HS2ST1: variants seen among roughly 807,000 people sequenced by gnomAD.
The protein encoded by HS2ST1 is 2-O-sulfotransferase.
Under a neutral mutation model 42.9 loss-of-function variants are expected in HS2ST1, and 18 were observed. The observed-to-expected ratio is 0.42, with a 90% CI of 0.29 to 0.62. The LOEUF is 0.62. Ranked by LOEUF, HS2ST1 falls within the 20% of genes least tolerant of loss-of-function variation. The pLI is 0.21. For missense variants in HS2ST1, 334 were observed against 433.8 expected, an observed-to-expected ratio of 0.77 and a Z score of 2.04; for synonymous variants, 146 against 152.9, an observed-to-expected ratio of 0.95 and a Z score of 0.33.
chr1:87,078,999 C>T (rs558287175), intron 2 of HS2ST1, among the ~76,000 whole-genome samples: 2 of 151,582 alleles, frequency 1.3e-5, no homozygotes, highest in Admixed American at 1.3e-4. Flanking sequence ...GAGAAGTGGC[C>T]GAATTAATAC....
intron 1 of HS2ST1, among the ~76,000 whole-genome samples, chr1:87,059,773 A>G (rs955666841): frequency 5.9e-5 from 9 of 152,166 alleles, no homozygotes; most frequent in African/African-American, 2.2e-4. Context: ...ATGCTCTGGG[A>G]GTTTCATTCC....
intron 3 of HS2ST1, among the ~76,000 whole-genome samples, chr1:87,085,832 C>T (rs914298044): frequency 1.3e-5 from 2 of 152,108 alleles, no homozygotes; most frequent in African/African-American, 2.4e-5. Context: ...ATACTTAGAA[C>T]AAAGCTCTGA....
chr1:87,093,665 G>A (rs1003652285), intron 4 of HS2ST1, among the ~76,000 whole-genome samples: 2 of 152,042 alleles, frequency 1.3e-5, no homozygotes, highest in African/African-American at 4.8e-5. Flanking sequence ...TCAGAATTTA[G>A]CATCATACCT....
chr1:87,078,276 T>G (rs892786947), intron 2 of HS2ST1, among the ~76,000 whole-genome samples: 3 of 152,222 alleles, frequency 2.0e-5, no homozygotes, highest in Admixed American at 6.5e-5. Context: ...AAGACACTAC[T>G]GTTAGTGAGA....
At chr1:87,068,733 A>G (rs1253722934) in intron 1 of HS2ST1, among the ~76,000 whole-genome samples, 1 of 152,216 alleles carries the variant, frequency 6.6e-6, no homozygotes, top group Non-Finnish European at 1.5e-5. Flanking sequence ...ATTAACACAT[A>G]TTGTATATTG....
chr1:87,002,135 A>G (rs1440643584), intron 1 of HS2ST1, among the ~76,000 whole-genome samples: 7 of 144,716 alleles, frequency 4.8e-5, no homozygotes, highest in Admixed American at 4.8e-4. Context: ...GATGGTCTCA[A>G]TCTCCTGACC....
Position 87,105,589 on chromosome 1 carries a change from A to G in HS2ST1, c.*893A>G, listed in dbSNP as rs959132247. On this transcript the variant is annotated 3_prime_UTR_variant, in exon 7 of 7. Transcript: ENST00000370550. ...TCTTCTGTACTTTTACCTGTAGACT[A>G]TTTTTACTAAGGTGCTTTATAATGT... The G allele has an allele frequency of 6.6e-6, 1 of 152,426 alleles. No individual in the cohort carries two copies. The highest frequency in any genetic ancestry group is 2.4e-5 in the African/African-American group (1 of 41,406). The allele number at this position is 152,426 out of a possible 1,614,324, so 9.4% of individuals were successfully genotyped here.
intron 1 of HS2ST1, among the ~76,000 whole-genome samples, chr1:87,020,642 A>G (rs1413050389): frequency 6.6e-6 from 1 of 152,196 alleles, no homozygotes; most frequent in Non-Finnish European, 1.5e-5. Flanking sequence ...TAGGAGTTTG[A>G]GATCAAGGAG....
intron 3 of HS2ST1, 109 bp from the exon 4 acceptor site, chr1:87,092,422 T>G: frequency 1.8e-6 from 1 of 558,700 alleles, no homozygotes; most frequent in Non-Finnish European, 2.8e-6. Context: ...TAATTCATGT[T>G]CTTTTTTCCT....
chr1:86,925,522 A>G (rs1359463233), intron 1 of HS2ST1, among the ~76,000 whole-genome samples: 1 of 143,600 alleles, frequency 7.0e-6, no homozygotes, highest in Non-Finnish European at 1.5e-5. Flanking sequence ...ATCATGGTGG[A>G]AAGCAAGGAG....
chr1:87,090,989 C>T (rs1015840482), intron 3 of HS2ST1, among the ~76,000 whole-genome samples: 5 of 151,954 alleles, frequency 3.3e-5, no homozygotes, highest in African/African-American at 4.8e-5. Context: ...TTCTCCCTCA[C>T]CTCCCTAGCA....
At chr1:86,969,918 G>T (rs1245329769) in intron 1 of HS2ST1, among the ~76,000 whole-genome samples, 1 of 152,072 alleles carries the variant, frequency 6.6e-6, no homozygotes, top group African/African-American at 2.4e-5. Flanking sequence ...CTGAAGTCAG[G>T]AGTTCGAGAC....
At chr1:87,023,465 T>TA (rs386367573) in intron 1 of HS2ST1, among the ~76,000 whole-genome samples, 18,607 of 146,364 alleles carry the variant, frequency 0.13, 1,824 homozygotes, top group African/African-American at 0.28. Flanking sequence ...CAAGATATGT[T>TA]AAAAAAAAAA....
intron 2 of HS2ST1, among the ~76,000 whole-genome samples, chr1:87,082,540 A>G (rs188653091): frequency 6.6e-6 from 1 of 152,352 alleles, no homozygotes; most frequent in East Asian, 1.9e-4. Context: ...TTTAGCCACC[A>G]TCTTCAATGC....
chr1:87,047,772 T>C (rs1650723443), intron 1 of HS2ST1, among the ~76,000 whole-genome samples: 2 of 152,212 alleles, frequency 1.3e-5, no homozygotes, highest in South Asian at 4.1e-4. Context: ...TGTATAGTTA[T>C]ATTTCTGGAT....
rs1652425557 is a variant in HS2ST1 at position 87,109,716 on chromosome 1, CAG to C, written c.*5022_*5023del. ...CCAGTTCAATGATGAGTTTTCTTAA[CAG>C]AATTTGGTTTGTACTTGCAGTGGCT... On this transcript the variant is annotated 3_prime_UTR_variant, in exon 7 of 7. Coordinates refer to ENST00000370550, the MANE Select transcript of HS2ST1 (RefSeq NM_012262.4). The C allele has an allele frequency of 6.6e-6, 1 of 151,948 alleles. No homozygotes were observed. The highest frequency in any genetic ancestry group is 2.1e-4 in the South Asian group (1 of 4,822). 9.4% of individuals were successfully genotyped at this position (151,948 alleles called of 1,614,324 possible).
At position 87,085,208 on chromosome 1, in the gene HS2ST1, TTTA is replaced by T. The variant is rs1651793022; in HGVS notation, c.449+935_449+937del. ...CTTCAAAAACACTAAAAAAATTTTT[TTTA>T]TTATTTAGCTTAGACATGTTTATTC... On this transcript the variant is annotated intron_variant, in intron 3 of 6. Transcript: ENST00000370550. Among the ~76,000 whole-genome samples, 20 of 152,282 alleles carry T rather than the reference TTTA, an allele frequency of 1.3e-4. No homozygotes were observed. The South Asian group carries it at 3.9e-3, about 30-fold the overall frequency.
intron 1 of HS2ST1, among the ~76,000 whole-genome samples, chr1:86,919,659 T>TGAAATTATATACATAACTTTCATCA (rs1660249671): frequency 6.6e-6 from 1 of 152,224 alleles, no homozygotes; most frequent in African/African-American, 2.4e-5. Flanking sequence ...GTGAATTCCC[T>TGAAATTATATACATAACTTTCATCA]GAAATTATAT....
At chr1:86,966,370 G>A (rs1047659021) in intron 1 of HS2ST1, among the ~76,000 whole-genome samples, 1 of 151,990 alleles carries the variant, frequency 6.6e-6, no homozygotes, top group Non-Finnish European at 1.5e-5. Flanking sequence ...TTCCTACTCC[G>A]GTGATAGCCA....
Sources: gnomAD v4.1 joint callset for allele counts (sites outside exome capture counted in the v4.1 genomes callset) on GRCh38, gnomAD v4.1.1 for gene constraint, MANE v1.5 for transcripts, NCBI Gene and HGNC (gene_info 2026-07-23, HGNC 2026-07-21) for gene names.